Variants in FHIT observed in about 807,000 individuals in gnomAD.
The protein encoded by FHIT is fragile histidine triad diadenosine triphosphatase, also known as bis(5'-adenosyl)-triphosphatase.
Under a neutral mutation model 17.9 loss-of-function variants are expected in FHIT, and 19 were observed. That is an observed-to-expected ratio of 1.06 (90% CI 0.74 to 1.56). The LOEUF (loss-of-function observed/expected upper bound fraction) is 1.56. Ranked by LOEUF, FHIT falls within the 40% of genes most tolerant of loss-of-function variation. The pLI is 0.00. For missense variants in FHIT, 248 were observed against 189.2 expected, an observed-to-expected ratio of 1.31 and a Z score of -1.82; for synonymous variants, 81 against 69.7, an observed-to-expected ratio of 1.16 and a Z score of -0.81.
At chr3:60,401,424 T>C (rs1229813912) in intron 5 of FHIT, among the ~76,000 whole-genome samples, 2 of 152,158 alleles carry the variant, frequency 1.3e-5, no homozygotes, top group Non-Finnish European at 2.9e-5. Context: ...GTGAGAATTA[T>C]CTGCAACAGA....
chr3:60,869,647 A>C (rs946992738), intron 3 of FHIT, among the ~76,000 whole-genome samples: 1 of 152,102 alleles, frequency 6.6e-6, no homozygotes, highest in Non-Finnish European at 1.5e-5. Context: ...TGTAGTAGCC[A>C]AATATGTTTC....
intron 8 of FHIT, among the ~76,000 whole-genome samples, chr3:59,895,071 T>C (rs1704011544): frequency 6.6e-6 from 1 of 152,208 alleles, no homozygotes; most frequent in Non-Finnish European, 1.5e-5. Flanking sequence ...CATTTTTGGT[T>C]GTCACAACTG....
intron 3 of FHIT, among the ~76,000 whole-genome samples, chr3:60,960,508 AGTGTGCTGC>A (rs1553780400): frequency 6.6e-6 from 1 of 152,160 alleles, no homozygotes; most frequent in Non-Finnish European, 1.5e-5. Flanking sequence ...GTGCCATGTT[AGTGTGCTGC>A]ACCCATTAAC....
At chr3:60,090,601 C>T (rs1020180202) in intron 5 of FHIT, among the ~76,000 whole-genome samples, 7 of 152,134 alleles carry the variant, frequency 4.6e-5, no homozygotes, top group African/African-American at 1.4e-4. Context: ...GGAAGGGAGC[C>T]TCTTAGAATG....
At chr3:60,190,455 A>C (rs1702350390) in intron 5 of FHIT, among the ~76,000 whole-genome samples, 1 of 152,110 alleles carries the variant, frequency 6.6e-6, no homozygotes, top group Non-Finnish European at 1.5e-5. Context: ...TATAGTAAAA[A>C]TTCTAAGGGA....
At chr3:60,458,959 T>C (rs560767714) in intron 5 of FHIT, among the ~76,000 whole-genome samples, 1 of 151,904 alleles carries the variant, frequency 6.6e-6, no homozygotes, top group African/African-American at 2.4e-5. Flanking sequence ...TTATTTTTTT[T>C]TTTTTAGAAA....
chr3:59,862,239 C>T (rs1041278761), intron 8 of FHIT, among the ~76,000 whole-genome samples: 3 of 152,196 alleles, frequency 2.0e-5, no homozygotes, highest in Non-Finnish European at 2.9e-5. Flanking sequence ...TGGTGGCAGG[C>T]AAGAGGCCAT....
At chr3:59,986,890 C>T (rs28538229) in intron 7 of FHIT, among the ~76,000 whole-genome samples, 105,089 of 106,006 alleles carry the variant, frequency 0.99, 52,100 homozygotes, top group Middle Eastern at 1. Context: ...TTTATATATT[C>T]ATATATTTTA....
chr3:59,791,150 G>C (rs368280221), intron 8 of FHIT, among the ~76,000 whole-genome samples: 7 of 152,260 alleles, frequency 4.6e-5, no homozygotes, highest in African/African-American at 1.7e-4. Flanking sequence ...CTCAGGCTTT[G>C]GATGGGGTTG....
chr3:60,726,775 T>C (rs973784287), intron 4 of FHIT, among the ~76,000 whole-genome samples: 4 of 152,192 alleles, frequency 2.6e-5, no homozygotes, highest in Non-Finnish European at 5.9e-5. Context: ...CCATTTTATA[T>C]AAGAGGAAAA....
intron 5 of FHIT, among the ~76,000 whole-genome samples, chr3:60,035,211 G>C (rs1365050048): frequency 1.3e-5 from 2 of 152,162 alleles, no homozygotes; most frequent in Non-Finnish European, 2.9e-5. Flanking sequence ...GGTGAGAAAA[G>C]AGAGTCAGAC....
intron 5 of FHIT, among the ~76,000 whole-genome samples, chr3:60,072,517 T>C (rs926869567): frequency 3.9e-5 from 6 of 152,218 alleles, no homozygotes; most frequent in East Asian, 1.9e-4. Flanking sequence ...TGCTTACTTA[T>C]GTGCTGGGCA....
chr3:60,849,538 GAGTA>G (rs1331050472), intron 3 of FHIT, among the ~76,000 whole-genome samples: 2 of 151,100 alleles, frequency 1.3e-5, no homozygotes, highest in African/African-American at 4.9e-5. Flanking sequence ...CGATCCAACA[GAGTA>G]AGTGAGGTTT....
chr3:61,170,157 G>A (rs1325607180), intron 2 of FHIT, among the ~76,000 whole-genome samples: 2 of 152,126 alleles, frequency 1.3e-5, no homozygotes, highest in African/African-American at 4.8e-5. Flanking sequence ...ATAGGTAATA[G>A]CAAATTTATA....
intron 5 of FHIT, among the ~76,000 whole-genome samples, chr3:60,297,576 C>CA (rs71627530): frequency 0.3 from 45,566 of 151,256 alleles, 7,815 homozygotes; most frequent in East Asian, 0.77. Context: ...AAGTCACCTG[C>CA]AAAAAAAAGG....
chr3:60,924,167 C>T (rs1707449588), intron 3 of FHIT, among the ~76,000 whole-genome samples: 1 of 152,212 alleles, frequency 6.6e-6, no homozygotes, highest in Admixed American at 6.5e-5. Flanking sequence ...GCAAAAACCT[C>T]TGCAGACTTA....
chr3:59,896,365 T>C (rs901845064), intron 8 of FHIT, among the ~76,000 whole-genome samples: 8 of 152,226 alleles, frequency 5.3e-5, no homozygotes, highest in Non-Finnish European at 1.2e-4. Flanking sequence ...ATGTGTTAAC[T>C]GTCACTTACA....
chr3:60,828,125 C>A (rs1702191509), intron 3 of FHIT, among the ~76,000 whole-genome samples: 1 of 152,142 alleles, frequency 6.6e-6, no homozygotes, highest in Admixed American at 6.5e-5. Context: ...AGGATAATAA[C>A]TTTGGCTTCC....
intron 8 of FHIT, among the ~76,000 whole-genome samples, chr3:59,818,216 T>C (rs1700670040): frequency 6.6e-6 from 1 of 152,188 alleles, no homozygotes; most frequent in South Asian, 2.1e-4. Flanking sequence ...ACCCGGAGCA[T>C]TCATTATGAA....
Sources: allele counts gnomAD v4.1 joint callset (sites outside exome capture counted in the v4.1 genomes callset), GRCh38; gene constraint gnomAD v4.1.1; transcripts MANE v1.5; gene names NCBI Gene and HGNC (gene_info 2026-07-23, HGNC 2026-07-21).